The following CRISPLD2 variants were observed in gnomAD, a reference collection of about 807,000 sequenced individuals.
CRISPLD2 encodes the protein cysteine-rich secretory protein LCCL domain-containing 2.
A neutral mutation model predicts 71.1 loss-of-function variants in CRISPLD2; 47 were observed. That is an observed-to-expected ratio of 0.66 (90% CI 0.52 to 0.84). The LOEUF (loss-of-function observed/expected upper bound fraction) is 0.84, where lower values mean the gene tolerates loss of function less well. Among genes scored for constraint, CRISPLD2 ranks in the 40% least tolerant of loss-of-function variants. The pLI is 0.00. For missense variants in CRISPLD2, 830 were observed against 651.1 expected (o/e 1.27, Z -2.99); for synonymous variants, 317 against 250.1 (o/e 1.27, Z -2.52).
intron 6 of CRISPLD2, among the ~76,000 whole-genome samples, chr16:84,855,268 C>G (rs967322650): frequency 1.2e-4 from 18 of 152,096 alleles, no homozygotes; most frequent in African/African-American, 4.3e-4. Flanking sequence ...AGGGACAGAA[C>G]TAATAGGATA....
intron 14 of CRISPLD2, among the ~76,000 whole-genome samples, chr16:84,901,521 G>C (rs1335956254): frequency 1.3e-5 from 2 of 150,694 alleles, no homozygotes; most frequent in African/African-American, 2.4e-5. Context: ...GCCCAGGCTG[G>C]AGTGCAATGG....
chr16:84,861,523 C>T (rs372768851), intron 6 of CRISPLD2, among the ~76,000 whole-genome samples: 2 of 152,246 alleles, frequency 1.3e-5, no homozygotes, highest in East Asian at 3.9e-4. Context: ...GCAGTCTCGC[C>T]TTCTCACATT....
In CRISPLD2 at chr16:84,908,242, TC is replaced by T. The variant is rs2071822222; in HGVS notation, c.*1601del. 1 of 152,228 alleles carries T rather than the reference TC, an allele frequency of 6.6e-6. No individual in the cohort carries two copies. The highest frequency in any genetic ancestry group is 1.5e-5 in the Non-Finnish European group (1 of 68,038). 9.4% of individuals were successfully genotyped at this position (152,228 alleles called of 1,614,324 possible). The stretch of plus-strand genomic sequence containing the variant: ...AGGAGTTGGTAAAAAGCAGTTCAAC[TC>T]TTAGCTTGACTGAGCTAAAATTCAC... On this transcript the variant is annotated 3_prime_UTR_variant, in exon 15 of 15. Transcript: ENST00000262424.
Position 84,873,105 on chromosome 16 carries a change from C to A in CRISPLD2, c.1095C>A (p.His365Gln), listed in dbSNP as rs200215115. ...CCTTCTTCGTGAAGTCTGAGAGACA[C>A]GGCGTGCAGTCCCTCAGGTAACTAC... ...KVPFFVKSERHGVQSLSKYKP... is the reference protein window; with the variant it reads ...KVPFFVKSERQGVQSLSKYKP... The change falls in exon 10 of 15, where the codon CAC becomes CAA. Residue 365 changes from histidine to glutamine, a missense_variant. Physicochemically the swap from His to Gln is conservative, Grantham distance 24. Coordinates refer to ENST00000262424, the MANE Select transcript of CRISPLD2 (RefSeq NM_031476.4). 2 of 1,613,542 alleles carry A rather than the reference C, an allele frequency of 1.2e-6. No individual in the cohort carries two copies. Among genetic ancestry groups the A allele is most frequent in the South Asian group, 1.1e-5 (1 of 91,000 alleles).
intron 13 of CRISPLD2, among the ~76,000 whole-genome samples, chr16:84,884,008 CTAATCTTTGTATTTT>C (rs1286368779): frequency 4.6e-5 from 7 of 152,038 alleles, no homozygotes; most frequent in African/African-American, 1.7e-4. Context: ...CCACACCCAG[CTAATCTTTGTATTTT>C]TAGTAGAGAC....
In CRISPLD2 at chr16:84,880,545, C is replaced by T. The variant is rs375014898; in HGVS notation, c.1266C>T (p.Ser422=). The part of the protein sequence containing the change: ...HCPAHCKDEP[S]YWAPVFGTNI... ...CGGCACACTGCAAAGACGAACCTTC[C>T]TACTGGGCTCCGGTGTTTGGAACCA... The change falls in exon 13 of 15, where the codon TCC becomes TCT. Residue 422 remains serine (S), a synonymous_variant. Transcript: ENST00000262424. 1 of 1,613,896 alleles carries T rather than the reference C, an allele frequency of 6.2e-7. No homozygotes were observed. Among genetic ancestry groups the T allele is most frequent in the Non-Finnish European group, 8.5e-7 (1 of 1,179,862 alleles).
chr16:84,902,256 C>A (rs1399309976), intron 14 of CRISPLD2, among the ~76,000 whole-genome samples: 1 of 152,084 alleles, frequency 6.6e-6, no homozygotes, highest in Non-Finnish European at 1.5e-5. Context: ...AAAGGTGCTT[C>A]CACGAACTGA....
chr16:84,824,973 A>G (rs555777904), intron 1 of CRISPLD2, among the ~76,000 whole-genome samples: 11 of 152,016 alleles, frequency 7.2e-5, no homozygotes, highest in African/African-American at 1.2e-4. Flanking sequence ...GCGTGGTGGC[A>G]GGCACCTGTA....
chr16:84,905,293 A>G (rs985418491), intron 14 of CRISPLD2, among the ~76,000 whole-genome samples: 1 of 152,188 alleles, frequency 6.6e-6, no homozygotes, highest in Non-Finnish European at 1.5e-5. Context: ...CTAACACTGG[A>G]TTGTGGAGAT....
At position 84,892,025 on chromosome 16, in the gene CRISPLD2, C is replaced by T. The variant is rs372790468; in HGVS notation, c.1439+2662C>T. Among the ~76,000 whole-genome samples, 28 of 152,362 alleles carry T rather than the reference C, an allele frequency of 1.8e-4. 1 individual carries two copies. Among genetic ancestry groups the T allele is most frequent in the Admixed American group, 5.9e-4 (9 of 15,308 alleles). On this transcript the variant is annotated intron_variant, in intron 14 of 14. Transcript: ENST00000262424. ...CTTTGCTTTTCTTGCTCCTCAGACT[C>T]TCTGCTCCTCCGTCCTGTGGACTGG... is the stretch of plus-strand genomic sequence containing the variant.
At chr16:84,875,810 C>G (rs951387953) in intron 11 of CRISPLD2, among the ~76,000 whole-genome samples, 24 of 151,694 alleles carry the variant, frequency 1.6e-4, no homozygotes, top group African/African-American at 5.8e-4. Flanking sequence ...AGGTGATCCA[C>G]CCGCCTGGGC....
At chr16:84,894,493 G>A (rs187028058) in intron 14 of CRISPLD2, among the ~76,000 whole-genome samples, 5 of 152,266 alleles carry the variant, frequency 3.3e-5, no homozygotes, top group African/African-American at 1.2e-4. Context: ...GGCAGCCCCT[G>A]CGCTAGGGAC....
intron 6 of CRISPLD2, among the ~76,000 whole-genome samples, chr16:84,864,644 C>G (rs991318452): frequency 1.3e-5 from 2 of 152,196 alleles, no homozygotes; most frequent in African/African-American, 4.8e-5. Flanking sequence ...GACATATGCT[C>G]TTTTCTTTAG....
At chr16:84,861,617 A>G (rs1917383812) in intron 6 of CRISPLD2, among the ~76,000 whole-genome samples, 1 of 152,130 alleles carries the variant, frequency 6.6e-6, no homozygotes, top group African/African-American at 2.4e-5. Flanking sequence ...TCAAATGTTA[A>G]TCTCCTTTGG....
At position 84,838,894 on chromosome 16, in the gene CRISPLD2, G is replaced by C. The variant is rs532181862; in HGVS notation, c.240+159G>C. 2.9e-5 allele frequency: 28 copies of C among 981,146 alleles called. No individual in the cohort carries two copies. The East Asian group carries it at 6.8e-4, about 24-fold the overall frequency. 60.8% of individuals were successfully genotyped at this position (981,146 alleles called of 1,614,324 possible). A position where few individuals can be genotyped will look rare whatever the true frequency, so the allele number is the denominator to read the frequency against. On this transcript the variant is annotated intron_variant, in intron 2 of 14. Transcript: ENST00000262424. ...GAGGATCCCGGCTCTGTTCTGTTTT[G>C]TTTGTTTGTTTTGAGACAGGGTCTC...
At chr16:84,892,402 C>G (rs2244862) in intron 14 of CRISPLD2, among the ~76,000 whole-genome samples, 64,531 of 152,110 alleles carry the variant, frequency 0.42, 14,551 homozygotes, top group East Asian at 0.67. Flanking sequence ...CACCCTTGCT[C>G]CAGCCTGGCC....
chr16:84,885,030 C>T (rs1051998066), intron 13 of CRISPLD2, among the ~76,000 whole-genome samples: 1 of 152,224 alleles, frequency 6.6e-6, no homozygotes, highest in Admixed American at 6.5e-5. Flanking sequence ...GACAGAAAGC[C>T]TGGAGGTCTT....
intron 3 of CRISPLD2, among the ~76,000 whole-genome samples, chr16:84,846,794 C>T (rs1019647370): frequency 1.3e-5 from 2 of 152,186 alleles, no homozygotes; most frequent in South Asian, 2.1e-4. Flanking sequence ...GTTCTGTCCC[C>T]TCTCCTTCCC....
At chr16:84,853,562 G>T (rs558574123) in intron 5 of CRISPLD2, among the ~76,000 whole-genome samples, 1 of 152,310 alleles carries the variant, frequency 6.6e-6, no homozygotes, top group African/African-American at 2.4e-5. Flanking sequence ...AGGCCAGGGT[G>T]CTTCTGGGGC....
Sources: allele counts gnomAD v4.1 joint callset (sites outside exome capture counted in the v4.1 genomes callset), GRCh38; gene constraint gnomAD v4.1.1; transcripts MANE v1.5; gene names NCBI Gene and HGNC (gene_info 2026-07-23, HGNC 2026-07-21).